The following AGBL3 variants were observed in gnomAD, a reference collection of about 807,000 sequenced individuals.
AGBL3 encodes the protein AGBL carboxypeptidase 3, also known as cytosolic carboxypeptidase 3.
In AGBL3, 68 loss-of-function variants were observed where a neutral mutation model predicts 94.5. The observed-to-expected ratio is 0.72, with a 90% CI of 0.59 to 0.88. The LOEUF (loss-of-function observed/expected upper bound fraction) is 0.88, where lower values mean the gene tolerates loss of function less well. Ranked by LOEUF, AGBL3 falls within the 40% of genes least tolerant of loss-of-function variation. The pLI, the probability that AGBL3 is intolerant of heterozygous loss-of-function variation, is 0.00. For missense variants in AGBL3, 934 were observed against 1,103.8 expected (o/e 0.85, Z 2.18); for synonymous variants, 354 against 370.7 (o/e 0.95, Z 0.52).
At chr7:135,116,028 T>TA (rs1231123975) in intron 16 of AGBL3, among the ~76,000 whole-genome samples, 1 of 152,060 alleles carries the variant, frequency 6.6e-6, no homozygotes, top group Non-Finnish European at 1.5e-5. Flanking sequence ...CTTCTAAAGA[T>TA]AAAAAACAGA....
chr7:135,108,204 C>A (rs1459814845), intron 15 of AGBL3, among the ~76,000 whole-genome samples: 4 of 152,168 alleles, frequency 2.6e-5, no homozygotes, highest in African/African-American at 9.6e-5. Context: ...GGGCATTTAG[C>A]CCATTTACAT....
At chr7:134,994,478 G>A (rs1810719856) in intron 4 of AGBL3, among the ~76,000 whole-genome samples, 1 of 151,398 alleles carries the variant, frequency 6.6e-6, no homozygotes, top group Non-Finnish European at 1.5e-5. Context: ...TCCGTGCACA[G>A]GCATGACAGA....
chr7:135,051,415 T>A (rs1319581049), intron 11 of AGBL3, among the ~76,000 whole-genome samples: 2 of 152,106 alleles, frequency 1.3e-5, no homozygotes, highest in Non-Finnish European at 1.5e-5. Context: ...GGCCTGTGTT[T>A]TTTGACATGA....
intron 12 of AGBL3, among the ~76,000 whole-genome samples, chr7:135,072,672 C>A (rs535433991): frequency 6.6e-6 from 1 of 151,110 alleles, no homozygotes; most frequent in African/African-American, 2.4e-5. Context: ...GGACAAAAAA[C>A]CAAACACCGC....
At chr7:134,999,660 G>A (rs1182442375) in intron 4 of AGBL3, among the ~76,000 whole-genome samples, 1 of 152,188 alleles carries the variant, frequency 6.6e-6, no homozygotes, top group African/African-American at 2.4e-5. Flanking sequence ...ATAGGATGGT[G>A]CCCCACATGG....
Position 135,044,105 on chromosome 7 carries a change from C to A in AGBL3, c.1581C>A (p.Ile527=), listed in dbSNP as rs1584928782. ...GGGTGGTAATGTGGAAAATGGGAAT[C>A]AGGAACAGCTTTACCATGGAGGCCA... is the stretch of plus-strand genomic sequence containing the variant. The part of the protein sequence containing the change: ...TGRVVMWKMG[I]RNSFTMEATF... The change falls in exon 9 of 17, where the codon ATC becomes ATA. Residue 527 remains isoleucine, a synonymous_variant. Coordinates refer to ENST00000436302, the MANE Select transcript of AGBL3 (RefSeq NM_178563.4). 2 of 1,550,800 alleles carry A rather than the reference C, an allele frequency of 1.3e-6. No individual in the cohort carries two copies. The highest frequency in any genetic ancestry group is 4.9e-5 in the East Asian group (2 of 40,820).
intron 4 of AGBL3, among the ~76,000 whole-genome samples, chr7:134,996,143 G>A (rs145764726): frequency 1.2e-3 from 183 of 152,318 alleles, no homozygotes; most frequent in Non-Finnish European, 2.2e-3. Context: ...ATACGGTGCA[G>A]CAAGAGAAAG....
rs188760631 is a variant in AGBL3 at position 135,126,620 on chromosome 7, A to C, written c.2343-8221A>C. 2.3e-3 allele frequency among the ~76,000 whole-genome samples: 355 copies of C among 152,356 alleles called. 2 individuals carry two copies. The highest frequency in any genetic ancestry group is 5.0e-3 in the South Asian group (24 of 4,826). The stretch of plus-strand genomic sequence containing the variant: ...GAAGGAACAAAGCTGGAGAGGTATC[A>C]CACTACCTAACTTCAAACTGTACTA... On this transcript the variant is annotated intron_variant, in intron 16 of 16. Transcript: ENST00000436302.
chr7:135,006,291 T>C (rs1812378894), intron 4 of AGBL3, among the ~76,000 whole-genome samples: 2 of 151,948 alleles, frequency 1.3e-5, no homozygotes, highest in Non-Finnish European at 2.9e-5. Flanking sequence ...ACTAGAATTA[T>C]ATTGCATGGC....
chr7:135,060,637 CAT>C (rs1235785206), intron 12 of AGBL3, among the ~76,000 whole-genome samples: 2 of 152,100 alleles, frequency 1.3e-5, no homozygotes, highest in Admixed American at 6.6e-5. Context: ...ATACTCCACA[CAT>C]AAGTGAGAAC....
chr7:135,032,637 A>G (rs536681701), intron 5 of AGBL3, among the ~76,000 whole-genome samples: 1 of 152,210 alleles, frequency 6.6e-6, no homozygotes, highest in South Asian at 2.1e-4. Context: ...TTTTTAATGT[A>G]AGAAATATAC....
chr7:135,086,103 G>C (rs1821319206), intron 15 of AGBL3, among the ~76,000 whole-genome samples: 1 of 151,830 alleles, frequency 6.6e-6, no homozygotes. Context: ...ATTGTAAATG[G>C]GATTGTTTTT....
chr7:134,999,471 T>A (rs1219551836), intron 4 of AGBL3, among the ~76,000 whole-genome samples: 1 of 152,222 alleles, frequency 6.6e-6, no homozygotes, highest in Non-Finnish European at 1.5e-5. Flanking sequence ...AGCCCATGCC[T>A]ACATTCCTAC....
intron 15 of AGBL3, 49 bp from the exon 16 acceptor site, chr7:135,115,331 T>C (rs113930111): frequency 8.1e-7 from 1 of 1,227,884 alleles, no homozygotes; most frequent in Non-Finnish European, 1.1e-6. Context: ...AATAAGTAAT[T>C]GTGAATAGAG....
rs1177267855 is a variant in AGBL3, at chr7:135,032,426, T to C, written c.419-418T>C. 2.0e-5 allele frequency among the ~76,000 whole-genome samples: 3 copies of C among 151,572 alleles called. No individual in the cohort carries two copies. The East Asian group carries it at 5.8e-4, about 30-fold the overall frequency. ...TTCAAGCGATTCTCCTGCCTCAGCC[T>C]CCTGGGTAGCTGGGACTACAGGCAC... On this transcript the variant is annotated intron_variant, in intron 5 of 16. Coordinates refer to ENST00000436302, the MANE Select transcript of AGBL3 (RefSeq NM_178563.4).
At chr7:134,998,188 CT>C (rs1483985990) in intron 4 of AGBL3, among the ~76,000 whole-genome samples, 2 of 152,150 alleles carry the variant, frequency 1.3e-5, no homozygotes, top group African/African-American at 4.8e-5. Context: ...GGCTCATTAC[CT>C]CTGTCATTAA....
At chr7:135,076,131 C>T (rs529812919) in intron 12 of AGBL3, among the ~76,000 whole-genome samples, 1 of 152,184 alleles carries the variant, frequency 6.6e-6, no homozygotes, top group Admixed American at 6.5e-5. Flanking sequence ...AGCTTTAAAG[C>T]GAGAATATAT....
At chr7:135,065,298 T>A (rs1259606669) in intron 12 of AGBL3, among the ~76,000 whole-genome samples, 1 of 152,222 alleles carries the variant, frequency 6.6e-6, no homozygotes, top group East Asian at 1.9e-4. Flanking sequence ...CCTATTTCAA[T>A]GACATTTTTC....
rs747721890 is a variant in AGBL3, at chr7:134,993,577, G to A, written c.209G>A (p.Arg70His). Residue 70 changes from arginine to histidine, a missense_variant, in exon 4 of 17, where the codon CGT becomes CAT. Transcript: ENST00000436302. The stretch of plus-strand genomic sequence containing the variant: ...CTAGGGAGATGGGTGCCACGTCTTC[G>A]TGAACCAAGGGATTTATATGGTGTC... Reference protein sequence around the residue: ...YQLGRWVPRLREPRDLYGVSS... With the variant: ...YQLGRWVPRLHEPRDLYGVSS... The A allele has an allele frequency of 9.7e-6, 15 of 1,551,902 alleles. No individual in the cohort carries two copies. The highest frequency in any genetic ancestry group is 2.7e-5 in the African/African-American group (2 of 73,124).
Sources: allele counts gnomAD v4.1 joint callset (sites outside exome capture counted in the v4.1 genomes callset), GRCh38; gene constraint gnomAD v4.1.1; transcripts MANE v1.5; gene names NCBI Gene and HGNC (gene_info 2026-07-23, HGNC 2026-07-21).